Variants in CCDC178 observed in about 807,000 individuals in gnomAD.
CCDC178 encodes the protein coiled-coil domain containing 178.
Under a neutral mutation model 117.4 loss-of-function variants are expected in CCDC178, and 126 were observed. That is an observed-to-expected ratio of 1.07 (90% CI 0.93 to 1.24). The LOEUF is 1.24. CCDC178 is among the 50% of genes most tolerant of loss of function. The pLI is 0.00. For synonymous variants in CCDC178, 283 were observed against 313.4 expected, an observed-to-expected ratio of 0.90 and a Z score of 1.02; for missense variants, 1,030 against 986.9, an observed-to-expected ratio of 1.04 and a Z score of -0.59.
intron 20 of CCDC178, among the ~76,000 whole-genome samples, chr18:33,191,388 T>C (rs1052028380): frequency 3.3e-5 from 5 of 152,170 alleles, no homozygotes; most frequent in African/African-American, 1.2e-4. Flanking sequence ...CCCATATATT[T>C]TATAAGAAGT....
chr18:33,315,496 C>T (rs563984973), intron 11 of CCDC178, among the ~76,000 whole-genome samples: 3 of 152,288 alleles, frequency 2.0e-5, no homozygotes, highest in African/African-American at 7.2e-5. Flanking sequence ...TTATCTTGAT[C>T]TTCAGGCTCT....
chr18:33,198,314 G>A (rs1222585174), intron 20 of CCDC178, among the ~76,000 whole-genome samples: 1 of 151,950 alleles, frequency 6.6e-6, no homozygotes, highest in Non-Finnish European at 1.5e-5. Context: ...CTCCTAAAAG[G>A]CTTAAACAAA....
chr18:33,361,167 A>G (rs1018307488), intron 6 of CCDC178, among the ~76,000 whole-genome samples: 1 of 151,728 alleles, frequency 6.6e-6, no homozygotes, highest in African/African-American at 2.4e-5. Flanking sequence ...AATAGAATAG[A>G]GAGTCCAGAA....
At chr18:33,021,591 T>C (rs1053697722) in intron 21 of CCDC178, among the ~76,000 whole-genome samples, 1 of 152,130 alleles carries the variant, frequency 6.6e-6, no homozygotes, top group African/African-American at 2.4e-5. Context: ...TGACTATTGG[T>C]CTGTGACAAA....
At chr18:33,053,492 A>G (rs898016418) in intron 21 of CCDC178, among the ~76,000 whole-genome samples, 1 of 152,224 alleles carries the variant, frequency 6.6e-6, no homozygotes, top group African/African-American at 2.4e-5. Flanking sequence ...ACAAAAATGA[A>G]TTAAGAATAT....
intron 21 of CCDC178, among the ~76,000 whole-genome samples, chr18:33,013,201 C>A (rs1267569239): frequency 5.3e-5 from 8 of 152,124 alleles, no homozygotes; most frequent in Non-Finnish European, 1.5e-5. Flanking sequence ...AGACAAATTT[C>A]CTAATTTTAG....
At chr18:32,961,715 A>G (rs899594151) in intron 22 of CCDC178, among the ~76,000 whole-genome samples, 3 of 152,016 alleles carry the variant, frequency 2.0e-5, no homozygotes, top group Non-Finnish European at 2.9e-5. Flanking sequence ...TCGTGCTCCT[A>G]TGATAATCTA....
intron 21 of CCDC178, among the ~76,000 whole-genome samples, chr18:33,082,333 A>G (rs769652978): frequency 2.0e-5 from 3 of 152,092 alleles, no homozygotes; most frequent in Non-Finnish European, 4.4e-5. Context: ...TTAGCCGGGC[A>G]TGGTGGCATT....
intron 10 of CCDC178, among the ~76,000 whole-genome samples, chr18:33,331,920 G>A (rs1032801334): frequency 1.2e-4 from 18 of 152,200 alleles, no homozygotes; most frequent in Non-Finnish European, 1.9e-4. Flanking sequence ...AGGTATTCAT[G>A]TGTGATTATT....
chr18:33,256,051 C>CT (rs2059675655), intron 14 of CCDC178, among the ~76,000 whole-genome samples: 1 of 22,104 alleles, frequency 4.5e-5, no homozygotes, highest in African/African-American at 1.0e-4. Context: ...CTATTTTGCA[C>CT]TTAAGATAAA....
rs533230857 is a variant in CCDC178, at chr18:32,981,932, T to C, written c.2389-7251A>G. On this transcript the variant is annotated intron_variant, in intron 21 of 22. Coordinates refer to ENST00000383096, the MANE Select transcript of CCDC178 (RefSeq NM_001105528.4). ...CATATGTAAAATATTTTCATGAGAATTTGAATTTGCTAGTTTCAAAAGGTA... is the reference window on the plus strand; with the variant it reads ...CATATGTAAAATATTTTCATGAGAACTTGAATTTGCTAGTTTCAAAAGGTA... Among the ~76,000 whole-genome samples the C allele has an allele frequency of 1.2e-4, 19 of 152,286 alleles. No individual in the cohort carries two copies. In the South Asian group the frequency reaches 3.7e-3, roughly 30 times the overall value.
At chr18:33,323,725 A>C in intron 10 of CCDC178, 92 bp from the exon 11 acceptor site, 1 of 761,586 alleles carries the variant, frequency 1.3e-6, no homozygotes. Flanking sequence ...TTAGATCAAA[A>C]GTTCTTTAGA....
chr18:32,994,686 G>A (rs879573860), intron 21 of CCDC178, among the ~76,000 whole-genome samples: 1 of 152,136 alleles, frequency 6.6e-6, no homozygotes, highest in Non-Finnish European at 1.5e-5. Context: ...TAGAAATTAT[G>A]AGTTAGCAAC....
chr18:33,067,455 C>G (rs2057036454), intron 21 of CCDC178, among the ~76,000 whole-genome samples: 1 of 151,760 alleles, frequency 6.6e-6, no homozygotes, highest in South Asian at 2.1e-4. Flanking sequence ...AATAAAAAAG[C>G]AAAAAACAAA....
chr18:33,179,078 A>AAAATAT lies in CCDC178; in HGVS notation c.2238+32817_2238+32818insATATTT, dbSNP rs71159804. ...ACTCAGTAAAAAAAAAAAAAAAAAA[A>AAAATAT]ATATATATATATATATATATATATA... On this transcript the variant is annotated intron_variant, in intron 20 of 22. Coordinates refer to ENST00000383096, the MANE Select transcript of CCDC178 (RefSeq NM_001105528.4). 1.7e-3 allele frequency among the ~76,000 whole-genome samples: 97 copies of AAAATAT among 55,784 alleles called. 2 individuals are homozygous for AAAATAT. The highest frequency in any genetic ancestry group is 3.2e-3 in the African/African-American group (28 of 8,840). The allele number at this position is 55,784 out of a possible 152,430, so 36.6% of individuals were successfully genotyped here.
rs770928176 is a variant in CCDC178, at chr18:33,245,438, T to A, written c.1410-10A>T. The A allele has an allele frequency of 6.6e-7, 1 of 1,508,544 alleles. No homozygotes were observed. Among genetic ancestry groups the A allele is most frequent in the East Asian group, 2.4e-5 (1 of 41,486 alleles). 93.4% of individuals were successfully genotyped at this position (1,508,544 alleles called of 1,614,324 possible). A position where few individuals can be genotyped will look rare whatever the true frequency, so the allele number is the denominator to read the frequency against. ...TGATTTTTTCCGTATGCTGTAAAAG[T>A]AAAGCAAAAATTAATATTATTGAGT... On this transcript the variant is annotated splice_polypyrimidine_tract_variant and intron_variant, in intron 14 of 22. Transcript: ENST00000383096.
At chr18:33,361,531 T>C (rs542458241) in intron 6 of CCDC178, among the ~76,000 whole-genome samples, 85 of 151,554 alleles carry the variant, frequency 5.6e-4, no homozygotes, top group African/African-American at 2.0e-3. Context: ...TCCAGTTACA[T>C]ACTAGGAAAA....
chr18:33,237,881 T>C (rs1196924269), intron 15 of CCDC178, among the ~76,000 whole-genome samples: 1 of 152,214 alleles, frequency 6.6e-6, no homozygotes, highest in East Asian at 1.9e-4. Context: ...AACAGCCCTG[T>C]GGCCTCAACC....
rs528618363 is a variant in CCDC178, at chr18:33,391,472, T to C, written c.119-1843A>G. Reference sequence around the variant, plus strand: ...TAAGGTAATATTGATATACATATTATGAATTGCAAAAAGATACAGATTACA... The same window carrying C: ...TAAGGTAATATTGATATACATATTACGAATTGCAAAAAGATACAGATTACA... On this transcript the variant is annotated intron_variant, in intron 4 of 22. Transcript: ENST00000383096. Among the ~76,000 whole-genome samples, 26 of 152,186 alleles carry C rather than the reference T, an allele frequency of 1.7e-4. 1 individual carries two copies. Among genetic ancestry groups the C allele is most frequent in the Admixed American group, 1.4e-3 (21 of 15,270 alleles).
Sources: gnomAD v4.1 joint callset for allele counts (sites outside exome capture counted in the v4.1 genomes callset) on GRCh38, gnomAD v4.1.1 for gene constraint, MANE v1.5 for transcripts, NCBI Gene and HGNC (gene_info 2026-07-23, HGNC 2026-07-21) for gene names.